Variants in SASH1 observed in about 807,000 individuals in gnomAD.
SASH1 encodes SAM and SH3 domain containing 1.
SASH1 carries 44 observed loss-of-function variants against 125.2 expected under a neutral mutation model. The observed-to-expected ratio is 0.35, with a 90% CI of 0.28 to 0.45. SASH1 has a LOEUF of 0.45. Ranked by LOEUF, SASH1 falls within the 20% of genes least tolerant of loss-of-function variation. The probability of loss-of-function intolerance (pLI) is 1.00; values close to 1 mark genes in which losing one functional copy is unlikely to be tolerated. For missense variants in SASH1, 1,426 were observed against 1,614.5 expected (o/e 0.88, Z 2.00); for synonymous variants, 639 against 649.1 (o/e 0.98, Z 0.24).
At chr6:148,222,877 T>C in the SASH1 span, among the ~76,000 whole-genome samples, 2 of 152,166 alleles carry the variant, frequency 1.3e-5, no homozygotes, top group South Asian at 2.1e-4. Flanking sequence ...TATCATTACA[T>C]CACAGGGCTG....
At chr6:148,425,368 G>T (rs140356309) in intron 2 of SASH1, among the ~76,000 whole-genome samples, 32 of 152,184 alleles carry the variant, frequency 2.1e-4, no homozygotes, top group Admixed American at 1.4e-3. Flanking sequence ...AGAAATTGCC[G>T]TATTTCTGTT....
the SASH1 span, among the ~76,000 whole-genome samples, chr6:148,260,606 TA>T: frequency 0.088 from 11,489 of 131,010 alleles, 441 homozygotes; most frequent in Middle Eastern, 0.12. Context: ...ACCCTGTCTT[TA>T]AAAAAAAAAA....
chr6:148,446,868 A>G (rs1776819396), intron 4 of SASH1, among the ~76,000 whole-genome samples: 1 of 152,226 alleles, frequency 6.6e-6, no homozygotes, highest in Non-Finnish European at 1.5e-5. Context: ...GAAGCAGTAC[A>G]CAGATTTGAT....
the SASH1 span, among the ~76,000 whole-genome samples, chr6:148,202,655 G>T: frequency 6.6e-6 from 1 of 152,296 alleles, no homozygotes; most frequent in South Asian, 2.1e-4. Context: ...GGAATTTCTG[G>T]GGAAAGAAAG....
chr6:148,210,414 T>G, the SASH1 span, among the ~76,000 whole-genome samples: 2 of 152,158 alleles, frequency 1.3e-5, no homozygotes, highest in Admixed American at 1.3e-4. Context: ...ATGCCTATAA[T>G]CCCAGCTACT....
chr6:148,342,215 C>G (rs1781347589), upstream of SASH1, among the ~76,000 whole-genome samples: 1 of 152,232 alleles, frequency 6.6e-6, no homozygotes, highest in African/African-American at 2.4e-5. Context: ...CAAACAATGG[C>G]TCGTGCCCAA....
upstream of SASH1, among the ~76,000 whole-genome samples, chr6:148,339,596 G>A (rs779160962): frequency 5.3e-5 from 8 of 151,716 alleles, no homozygotes; most frequent in Non-Finnish European, 7.4e-5. Context: ...TCGCTCTGTC[G>A]TCCAGGCTGA....
chr6:148,227,266 G>A, the SASH1 span, among the ~76,000 whole-genome samples: 4 of 152,190 alleles, frequency 2.6e-5, no homozygotes, highest in African/African-American at 9.7e-5. Flanking sequence ...TTCCTGGAGA[G>A]AAGAGACTGT....
chr6:148,404,048 T>G lies in SASH1; in HGVS notation c.285+13786T>G, dbSNP rs1784280022. Among the ~76,000 whole-genome samples, 3 of 152,330 alleles carry G rather than the reference T, an allele frequency of 2.0e-5. 1 individual carries two copies. The South Asian group carries it at 6.2e-4, about 32-fold the overall frequency. Reference sequence around the variant, plus strand: ...AGAGCAATCCCCTGAATATAGTAGGTGACAAATAAATTTTTGTGGGGTGAA... The same window carrying G: ...AGAGCAATCCCCTGAATATAGTAGGGGACAAATAAATTTTTGTGGGGTGAA... On this transcript the variant is annotated intron_variant, in intron 2 of 19. Transcript: ENST00000367467.
intron 2 of SASH1, among the ~76,000 whole-genome samples, chr6:148,396,605 G>A (rs1005624381): frequency 2.0e-5 from 3 of 151,882 alleles, no homozygotes; most frequent in Admixed American, 6.6e-5. Context: ...TAAGACAGAG[G>A]CAGTAAGAGT....
chr6:148,518,266 C>T (rs1473407048), intron 9 of SASH1, among the ~76,000 whole-genome samples: 1 of 152,186 alleles, frequency 6.6e-6, no homozygotes, highest in Non-Finnish European at 1.5e-5. Flanking sequence ...CTTCAGGGGA[C>T]TGTGGGCTAG....
At chr6:148,295,674 C>T (rs989082362) in intron 1 of SASH1, among the ~76,000 whole-genome samples, 1 of 152,222 alleles carries the variant, frequency 6.6e-6, no homozygotes, top group African/African-American at 2.4e-5. Context: ...CTGATGGCGG[C>T]GTATGGCAGC....
At position 148,282,208 on chromosome 6, in the gene SASH1, A is replaced by G. The variant is rs187770213; in HGVS notation, n.74+9831A>G. Among the ~76,000 whole-genome samples, 435 of 152,252 alleles carry G rather than the reference A, an allele frequency of 2.9e-3. 2 individuals are homozygous for G. The highest frequency in any genetic ancestry group is 9.8e-3 in the African/African-American group (407 of 41,554). ...AGCCGGGCAGGAAACTGGCATGGCC[A>G]TTCCTGCACACTGCAGGACTTCTCC... On this transcript the variant is annotated intron_variant and non_coding_transcript_variant, in intron 1 of 3. Transcript: ENST00000367469.
chr6:148,424,486 A>G (rs954306767), intron 2 of SASH1, among the ~76,000 whole-genome samples: 3 of 151,536 alleles, frequency 2.0e-5, no homozygotes, highest in Non-Finnish European at 2.9e-5. Context: ...TGGCCTCCCA[A>G]AGTTCTGGGG....
In SASH1 at chr6:148,543,899, A is replaced by C; in HGVS notation, c.2429A>C (p.Asn810Thr). Residue 810 changes from asparagine to threonine, a missense_variant, in exon 18 of 20, where the codon AAC (asparagine) becomes ACC (threonine). By Grantham distance (65) the Asn-to-Thr change is moderately conservative (BLOSUM62 0). This residue lies in a region of SASH1 where 634 missense variants were observed against 694.4 expected (regional missense o/e 0.91). Transcript: ENST00000367467. ...DPPGVTGLNK[N>T]RRSLPVSICR... ...CCTGGTGTGACTGGTTTGAATAAAA[A>C]CCGAAGAAGCCTCCCAGTTTCCATC... 6.2e-7 allele frequency: 1 copy of C among 1,614,166 alleles called. No individual in the cohort carries two copies. The highest frequency in any genetic ancestry group is 8.5e-7 in the Non-Finnish European group (1 of 1,180,020).
intron 1 of SASH1, among the ~76,000 whole-genome samples, chr6:148,380,886 T>C (rs1783103937): frequency 6.6e-6 from 1 of 152,226 alleles, no homozygotes; most frequent in Admixed American, 6.5e-5. Flanking sequence ...GGCCACACTT[T>C]GCTCTTCTGT....
intron 1 of SASH1, among the ~76,000 whole-genome samples, chr6:148,348,662 T>C (rs530412806): frequency 6.6e-6 from 1 of 152,318 alleles, no homozygotes; most frequent in East Asian, 1.9e-4. Context: ...GTCATGCAGA[T>C]AGTAGATGGG....
intron 2 of SASH1, among the ~76,000 whole-genome samples, chr6:148,402,178 A>G (rs939763501): frequency 3.3e-5 from 5 of 152,218 alleles, no homozygotes; most frequent in Admixed American, 6.5e-5. Flanking sequence ...TTCACTTCAC[A>G]TGTCTAAACC....
At chr6:148,293,760 C>G (rs1364025866) in intron 1 of SASH1, among the ~76,000 whole-genome samples, 2 of 152,196 alleles carry the variant, frequency 1.3e-5, no homozygotes, top group African/African-American at 4.8e-5. Context: ...GAGCTTTCCC[C>G]AAGGGACAAC....
Sources: allele counts gnomAD v4.1 joint callset (sites outside exome capture counted in the v4.1 genomes callset), GRCh38; gene constraint gnomAD v4.1.1; regional missense constraint gnomAD v4.1.1; transcripts MANE v1.5; gene names NCBI Gene and HGNC (gene_info 2026-07-23, HGNC 2026-07-21).